Variants in LDLRAD3 observed in about 807,000 individuals in gnomAD.
LDLRAD3 encodes the protein low-density lipoprotein receptor class A domain-containing protein 3.
LDLRAD3 carries 20 observed loss-of-function variants against 29.4 expected under a neutral mutation model. The ratio of observed to expected loss-of-function variants is 0.68; its 90% CI spans 0.48 to 0.99. The LOEUF (loss-of-function observed/expected upper bound fraction) is 0.99. LDLRAD3 is among the 50% of genes least tolerant of loss of function. LDLRAD3 has a pLI of 0.00. For missense variants in LDLRAD3, 420 were observed against 454.3 expected (o/e 0.92, Z 0.69); for synonymous variants, 157 against 192.7 (o/e 0.81, Z 1.53).
At chr11:35,945,331 C>A (rs1222842084) in intron 1 of LDLRAD3, among the ~76,000 whole-genome samples, 1 of 152,162 alleles carries the variant, frequency 6.6e-6, no homozygotes, top group South Asian at 2.1e-4. Context: ...CCTTGATGTC[C>A]CTGGTCCTGG....
chr11:35,964,000 A>G (rs570528877), intron 1 of LDLRAD3, among the ~76,000 whole-genome samples: 2 of 152,190 alleles, frequency 1.3e-5, no homozygotes, highest in African/African-American at 4.8e-5. Flanking sequence ...TCCGGCCATG[A>G]TGAATAAACA....
chr11:36,173,622 T>C (rs1854629935), intron 4 of LDLRAD3, among the ~76,000 whole-genome samples: 4 of 152,218 alleles, frequency 2.6e-5, no homozygotes. Context: ...GTCTTTGCTA[T>C]TGTGAATAAT....
chr11:35,949,004 TTAC>T (rs1851097114), intron 1 of LDLRAD3, among the ~76,000 whole-genome samples: 1 of 113,152 alleles, frequency 8.8e-6, no homozygotes, highest in Non-Finnish European at 1.6e-5. Flanking sequence ...TTGAGCATCA[TTAC>T]TGTGCATCAT....
chr11:36,074,647 G>C (rs1042865864), intron 2 of LDLRAD3, among the ~76,000 whole-genome samples: 1 of 152,124 alleles, frequency 6.6e-6, no homozygotes, highest in African/African-American at 2.4e-5. Context: ...CTTACTAGAG[G>C]AGTGATGTGC....
chr11:36,018,735 C>T (rs755238922), intron 1 of LDLRAD3, among the ~76,000 whole-genome samples: 1 of 152,202 alleles, frequency 6.6e-6, no homozygotes, highest in Non-Finnish European at 1.5e-5. Flanking sequence ...CCAGTTTCCT[C>T]ACCCTGCCAA....
intron 2 of LDLRAD3, among the ~76,000 whole-genome samples, chr11:36,073,282 C>A (rs1389154043): frequency 6.6e-6 from 1 of 152,252 alleles, no homozygotes; most frequent in Non-Finnish European, 1.5e-5. Flanking sequence ...TGGTCCCCAT[C>A]TTCCTGCTAA....
intron 4 of LDLRAD3, among the ~76,000 whole-genome samples, chr11:36,159,614 A>AG (rs1854407197): frequency 7.1e-6 from 1 of 140,502 alleles, no homozygotes; most frequent in Non-Finnish European, 1.6e-5. Flanking sequence ...AAAAAAAAAA[A>AG]AAAAAAAAAA....
intron 1 of LDLRAD3, among the ~76,000 whole-genome samples, chr11:36,001,949 ATGT>A (rs1851830797): frequency 6.6e-6 from 1 of 152,104 alleles, no homozygotes; most frequent in Admixed American, 6.5e-5. Context: ...TTTGTCGTTT[ATGT>A]TGTTGAAAAC....
intron 2 of LDLRAD3, among the ~76,000 whole-genome samples, chr11:36,057,200 A>G (rs1397106135): frequency 3.3e-5 from 5 of 152,138 alleles, no homozygotes; most frequent in Non-Finnish European, 5.9e-5. Context: ...CACTATGAGA[A>G]ACGCCGCCTC....
Position 36,190,664 on chromosome 11 carries a change from A to G in LDLRAD3, c.455-36421A>G, listed in dbSNP as rs145354320. ...GAGAGAAGAGAGAAAAAAAATGAGA[A>G]ATTGAAGAAAATGCTCCCTGAACCA... On this transcript the variant is annotated intron_variant, in intron 4 of 5. Coordinates refer to ENST00000315571, the MANE Select transcript of LDLRAD3 (RefSeq NM_174902.4). 3.9e-5 allele frequency among the ~76,000 whole-genome samples: 6 copies of G among 152,242 alleles called. No individual in the cohort carries two copies. In the East Asian group the frequency reaches 9.6e-4, roughly 24 times the overall value.
At chr11:36,089,185 G>T (rs1244625841) in intron 3 of LDLRAD3, among the ~76,000 whole-genome samples, 2 of 152,152 alleles carry the variant, frequency 1.3e-5, no homozygotes, top group Non-Finnish European at 2.9e-5. Flanking sequence ...GAACTGCTTG[G>T]CTGACAGTTA....
intron 2 of LDLRAD3, among the ~76,000 whole-genome samples, chr11:36,051,632 C>T (rs1215014617): frequency 1.3e-5 from 2 of 152,118 alleles, no homozygotes; most frequent in Non-Finnish European, 2.9e-5. Flanking sequence ...AGGTTGTAAA[C>T]GCTTGCCTGC....
intron 3 of LDLRAD3, among the ~76,000 whole-genome samples, chr11:36,082,204 T>C (rs1853125977): frequency 6.6e-6 from 1 of 152,198 alleles, no homozygotes; most frequent in South Asian, 2.1e-4. Flanking sequence ...TTTCTTACTT[T>C]GAATTCTTTT....
chr11:36,195,758 C>A (rs76506231), intron 4 of LDLRAD3, among the ~76,000 whole-genome samples: 1 of 152,106 alleles, frequency 6.6e-6, no homozygotes, highest in Non-Finnish European at 1.5e-5. Context: ...TCCTCAGTCA[C>A]CCAAGACACT....
At chr11:35,990,625 A>AG (rs1851677241) in intron 1 of LDLRAD3, among the ~76,000 whole-genome samples, 1 of 151,718 alleles carries the variant, frequency 6.6e-6, no homozygotes, top group African/African-American at 2.4e-5. Context: ...CATGTTGCCC[A>AG]GGCTGGTCTC....
intron 4 of LDLRAD3, among the ~76,000 whole-genome samples, chr11:36,127,214 T>C (rs1362221083): frequency 2.6e-5 from 4 of 152,242 alleles, no homozygotes; most frequent in East Asian, 1.9e-4. Context: ...CTTTACTTTA[T>C]TGTTTATATA....
At chr11:36,140,161 T>A (rs938061650) in intron 4 of LDLRAD3, among the ~76,000 whole-genome samples, 13 of 152,206 alleles carry the variant, frequency 8.5e-5, no homozygotes, top group Admixed American at 5.9e-4. Flanking sequence ...GGCATGTTTG[T>A]TCTTAACGAA....
chr11:35,980,341 C>G (rs11033356), intron 1 of LDLRAD3, among the ~76,000 whole-genome samples: 1 of 151,894 alleles, frequency 6.6e-6, no homozygotes, highest in Non-Finnish European at 1.5e-5. Flanking sequence ...GGGCGTTATA[C>G]GGCTTATTGG....
chr11:35,962,590 A>G (rs1026722166), intron 1 of LDLRAD3, among the ~76,000 whole-genome samples: 2 of 152,168 alleles, frequency 1.3e-5, no homozygotes, highest in African/African-American at 4.8e-5. Flanking sequence ...CTCCAGTTTA[A>G]TGAGTTCATA....
Sources: allele counts gnomAD v4.1 joint callset (sites outside exome capture counted in the v4.1 genomes callset), GRCh38; gene constraint gnomAD v4.1.1; transcripts MANE v1.5; gene names NCBI Gene and HGNC (gene_info 2026-07-23, HGNC 2026-07-21).